Variants in PLXDC2 observed in about 807,000 individuals in gnomAD.
PLXDC2 encodes the protein plexin domain containing 2.
In PLXDC2, 40 loss-of-function variants were observed where a neutral mutation model predicts 68.9. The observed-to-expected ratio is 0.58, with a 90% CI of 0.45 to 0.76. PLXDC2 has a LOEUF of 0.76. Ranked by LOEUF, PLXDC2 falls within the 30% of genes least tolerant of loss-of-function variation. The pLI is 0.00. For missense variants in PLXDC2, 644 were observed against 661.9 expected (o/e 0.97, Z 0.30); for synonymous variants, 243 against 234.2 (o/e 1.04, Z -0.34).
At chr10:20,279,582 A>G (rs1836053983) in intron 13 of PLXDC2, 121 bp from the exon 14 acceptor site, 3 of 749,426 alleles carry the variant, frequency 4.0e-6, no homozygotes, top group Non-Finnish European at 6.7e-6. Context: ...AGCTATAATA[A>G]GAGATAATTT....
chr10:20,034,501 C>T (rs529770338), intron 2 of PLXDC2, among the ~76,000 whole-genome samples: 10 of 152,158 alleles, frequency 6.6e-5, no homozygotes, highest in African/African-American at 2.2e-4. Context: ...ATATAAAATT[C>T]AGTAAAAAGG....
chr10:20,042,225 T>C (rs910802564), intron 2 of PLXDC2, among the ~76,000 whole-genome samples: 4 of 152,230 alleles, frequency 2.6e-5, no homozygotes, highest in Non-Finnish European at 1.5e-5. Flanking sequence ...CCTGTTGTTA[T>C]TTCATCGTGT....
intron 7 of PLXDC2, among the ~76,000 whole-genome samples, chr10:20,174,139 G>A (rs1834486070): frequency 1.8e-5 from 1 of 54,684 alleles, no homozygotes; most frequent in Admixed American, 2.3e-4. Flanking sequence ...CAGGTACTGT[G>A]CAAAGACTCA....
At chr10:20,029,027 C>T (rs1191734295) in intron 2 of PLXDC2, among the ~76,000 whole-genome samples, 1 of 152,178 alleles carries the variant, frequency 6.6e-6, no homozygotes, top group African/African-American at 2.4e-5. Context: ...TGTATTACCT[C>T]TAGTTGATTT....
At chr10:20,241,902 C>A (rs959694428) in intron 12 of PLXDC2, among the ~76,000 whole-genome samples, 1 of 151,854 alleles carries the variant, frequency 6.6e-6, no homozygotes. Flanking sequence ...AAAGACAAAC[C>A]CCAGAAATAG....
chr10:20,264,282 G>A (rs2778967), intron 13 of PLXDC2, among the ~76,000 whole-genome samples: 135,802 of 152,188 alleles, frequency 0.89, 61,247 homozygotes, highest in African/African-American at 0.97. Flanking sequence ...TATGAACACA[G>A]AGAAGGAAAC....
At chr10:20,227,026 CT>C (rs911239140) in intron 12 of PLXDC2, among the ~76,000 whole-genome samples, 1 of 151,954 alleles carries the variant, frequency 6.6e-6, no homozygotes, top group African/African-American at 2.4e-5. Flanking sequence ...AGTGATTATT[CT>C]TTTTTAAACG....
chr10:20,027,660 T>C (rs1346949699), intron 2 of PLXDC2, among the ~76,000 whole-genome samples: 1 of 149,740 alleles, frequency 6.7e-6, no homozygotes, highest in African/African-American at 2.5e-5. Context: ...AGATACTTTC[T>C]CTCAACACTT....
At chr10:19,837,829 G>A (rs73601617) in intron 1 of PLXDC2, among the ~76,000 whole-genome samples, 259 of 152,144 alleles carry the variant, frequency 1.7e-3, no homozygotes, top group African/African-American at 6.0e-3. Context: ...AGCAACCGAG[G>A]CCTGTCCTTT....
chr10:20,192,722 G>A (rs993304535), intron 9 of PLXDC2, among the ~76,000 whole-genome samples: 7 of 152,002 alleles, frequency 4.6e-5, no homozygotes, highest in Non-Finnish European at 1.0e-4. Context: ...AATCTTTGAT[G>A]TTAACATTTT....
At chr10:20,126,813 A>AGAACACACG (rs1207236355) in intron 4 of PLXDC2, among the ~76,000 whole-genome samples, 6,784 of 144,370 alleles carry the variant, frequency 0.047, 2,354 homozygotes, top group East Asian at 0.14. Context: ...ATATGTATAT[A>AGAACACACG]TAACATATAT....
chr10:20,138,740 A>G (rs1178178151), intron 4 of PLXDC2, among the ~76,000 whole-genome samples: 2 of 152,006 alleles, frequency 1.3e-5, no homozygotes, highest in African/African-American at 4.8e-5. Context: ...TGGTGAAACC[A>G]TGTCTCTACT....
intron 1 of PLXDC2, among the ~76,000 whole-genome samples, chr10:19,964,789 A>G (rs1300446360): frequency 6.6e-6 from 1 of 152,118 alleles, no homozygotes; most frequent in Admixed American, 6.5e-5. Flanking sequence ...TGCCTGGTTA[A>G]TAACAGGCTC....
At chr10:20,065,565 T>C (rs1180376871) in intron 3 of PLXDC2, among the ~76,000 whole-genome samples, 1 of 152,172 alleles carries the variant, frequency 6.6e-6, no homozygotes, top group African/African-American at 2.4e-5. Flanking sequence ...CTATTATTAT[T>C]ACATTATAAT....
chr10:20,125,758 TTAATG>T (rs1380082862), intron 4 of PLXDC2, among the ~76,000 whole-genome samples: 1 of 152,112 alleles, frequency 6.6e-6, no homozygotes, highest in Non-Finnish European at 1.5e-5. Context: ...TTTAAACTGA[TTAATG>T]TACACAGCAG....
At chr10:19,847,711 C>T (rs1190038383) in intron 1 of PLXDC2, among the ~76,000 whole-genome samples, 3 of 152,206 alleles carry the variant, frequency 2.0e-5, no homozygotes, top group African/African-American at 7.2e-5. Context: ...AGCTAACATA[C>T]ATTCTGTTCT....
At chr10:19,966,099 C>A (rs1215597983) in intron 1 of PLXDC2, among the ~76,000 whole-genome samples, 1 of 151,182 alleles carries the variant, frequency 6.6e-6, no homozygotes, top group Non-Finnish European at 1.5e-5. Flanking sequence ...TACTAAAAAA[C>A]ACACAGTAAA....
intron 1 of PLXDC2, among the ~76,000 whole-genome samples, chr10:19,833,367 C>G (rs1836730234): frequency 6.6e-6 from 1 of 152,226 alleles, no homozygotes; most frequent in African/African-American, 2.4e-5. Flanking sequence ...GCACCTCCAG[C>G]AGGCTCAGAC....
At chr10:19,861,899 C>T (rs12257435) in intron 1 of PLXDC2, among the ~76,000 whole-genome samples, 59,623 of 151,980 alleles carry the variant, frequency 0.39, 12,146 homozygotes, top group East Asian at 0.56. Flanking sequence ...TGGTCTTTCA[C>T]TCGGAGAAGG....
Sources: gnomAD v4.1 joint callset for allele counts (sites outside exome capture counted in the v4.1 genomes callset) on GRCh38, gnomAD v4.1.1 for gene constraint, MANE v1.5 for transcripts, NCBI Gene and HGNC (gene_info 2026-07-23, HGNC 2026-07-21) for gene names.